The following CLVS1 variants were observed in gnomAD, a reference collection of about 807,000 sequenced individuals.
CLVS1 encodes the protein clavesin 1.
Under a neutral mutation model 33.1 loss-of-function variants are expected in CLVS1, and 10 were observed. The observed-to-expected ratio is 0.30, with a 90% confidence interval of 0.19 to 0.51. The LOEUF is 0.51. CLVS1 is among the 20% of genes least tolerant of loss of function. The pLI, the probability that CLVS1 is intolerant of heterozygous loss-of-function variation, is 0.97. For missense variants in CLVS1, 343 were observed against 433.4 expected (o/e 0.79, Z 1.85); for synonymous variants, 163 against 166.1 (o/e 0.98, Z 0.14).
At chr8:61,094,531 C>T (rs912098248) in intron 1 of CLVS1, among the ~76,000 whole-genome samples, 13 of 152,164 alleles carry the variant, frequency 8.5e-5, no homozygotes, top group Non-Finnish European at 1.8e-4. Flanking sequence ...CTGTTATGTA[C>T]TGAATTGTGT....
chr8:61,112,227 G>GC, intron 1 of CLVS1, among the ~76,000 whole-genome samples: 1 of 132,480 alleles, frequency 7.5e-6, no homozygotes, highest in African/African-American at 3.0e-5. Context: ...CACGCACAGA[G>GC]ACAGAGAGAG....
At chr8:61,456,891 T>C (rs7831255) in intron 4 of CLVS1, among the ~76,000 whole-genome samples, 23,960 of 148,764 alleles carry the variant, frequency 0.16, 5,521 homozygotes, top group African/African-American at 0.52. Flanking sequence ...GCACTCCAGC[T>C]TGGGCAACAG....
intron 2 of CLVS1, among the ~76,000 whole-genome samples, chr8:61,244,070 A>G (rs1279452623): frequency 6.6e-6 from 1 of 152,084 alleles, no homozygotes; most frequent in Non-Finnish European, 1.5e-5. Context: ...AAAATTTGTC[A>G]CCCAGGGCAA....
chr8:61,170,508 T>A (rs1806973125), intron 2 of CLVS1, among the ~76,000 whole-genome samples: 1 of 152,208 alleles, frequency 6.6e-6, no homozygotes, highest in Admixed American at 6.5e-5. Context: ...GACAAATCAC[T>A]GTGAAGAATT....
intron 5 of CLVS1, among the ~76,000 whole-genome samples, chr8:61,494,952 A>G (rs1804218271): frequency 6.6e-6 from 1 of 152,186 alleles, no homozygotes; most frequent in Non-Finnish European, 1.5e-5. Context: ...CAGGAAAATA[A>G]AAAGTTATGT....
intron 2 of CLVS1, among the ~76,000 whole-genome samples, chr8:61,343,718 C>G (rs1585830919): frequency 6.6e-6 from 1 of 152,132 alleles, no homozygotes; most frequent in East Asian, 1.9e-4. Context: ...GAAGTTCTCA[C>G]CACGTTCCTC....
intron 5 of CLVS1, among the ~76,000 whole-genome samples, chr8:61,475,880 G>A (rs182412353): frequency 6.6e-6 from 1 of 152,308 alleles, no homozygotes; most frequent in East Asian, 1.9e-4. Flanking sequence ...CCATGTGTAT[G>A]TCCTGAATAG....
At chr8:61,451,560 C>T (rs1334931080) in intron 3 of CLVS1, among the ~76,000 whole-genome samples, 1 of 152,136 alleles carries the variant, frequency 6.6e-6, no homozygotes, top group Non-Finnish European at 1.5e-5. Context: ...AAGTGTTACA[C>T]TGTCATTGAA....
chr8:61,276,221 G>C (rs540423438), intron 2 of CLVS1, among the ~76,000 whole-genome samples: 1 of 152,220 alleles, frequency 6.6e-6, no homozygotes, highest in East Asian at 1.9e-4. Context: ...TGTCATTCTT[G>C]GTCCAACCAG....
the CLVS1 span, among the ~76,000 whole-genome samples, chr8:61,008,041 G>A: frequency 1.6e-3 from 238 of 152,238 alleles, no homozygotes; most frequent in African/African-American, 5.6e-3. Context: ...CTTGAAGGAG[G>A]GAATATGTGC....
intron 2 of CLVS1, among the ~76,000 whole-genome samples, chr8:61,350,180 C>T (rs867705708): frequency 6.6e-6 from 1 of 152,034 alleles, no homozygotes; most frequent in Admixed American, 6.6e-5. Flanking sequence ...CTCAATTTAA[C>T]CATTACATAA....
At chr8:61,031,531 CT>C in the CLVS1 span, among the ~76,000 whole-genome samples, 1 of 152,202 alleles carries the variant, frequency 6.6e-6, no homozygotes, top group East Asian at 1.9e-4. Flanking sequence ...TTTACAATGC[CT>C]CCATTTTCCT....
intron 3 of CLVS1, among the ~76,000 whole-genome samples, chr8:61,399,507 A>G (rs1814667025): frequency 6.6e-6 from 1 of 152,136 alleles, no homozygotes; most frequent in African/African-American, 2.4e-5. Flanking sequence ...TACTCTGATG[A>G]TAATTTCTTT....
At chr8:61,480,630 G>A (rs747151507) in intron 5 of CLVS1, among the ~76,000 whole-genome samples, 1 of 152,104 alleles carries the variant, frequency 6.6e-6, no homozygotes, top group Non-Finnish European at 1.5e-5. Flanking sequence ...GATGAACCCG[G>A]TACCTCAGTT....
chr8:61,270,432 A>T (rs1809412775), intron 2 of CLVS1, among the ~76,000 whole-genome samples: 1 of 152,008 alleles, frequency 6.6e-6, no homozygotes, highest in African/African-American at 2.4e-5. Context: ...TTTATTGAGG[A>T]TTTTTGCATC....
At chr8:61,418,381 A>G (rs1426752389) in intron 3 of CLVS1, among the ~76,000 whole-genome samples, 2 of 152,204 alleles carry the variant, frequency 1.3e-5, no homozygotes, top group East Asian at 1.9e-4. Context: ...GAAATAATGC[A>G]TGCTTTTTTT....
At chr8:61,423,868 G>A (rs188063047) in intron 3 of CLVS1, among the ~76,000 whole-genome samples, 162 of 152,270 alleles carry the variant, frequency 1.1e-3, no homozygotes, top group African/African-American at 3.6e-3. Context: ...GGATGAAAAT[G>A]GTTAATATGC....
chr8:61,446,585 G>A (rs1238170171), intron 3 of CLVS1, among the ~76,000 whole-genome samples: 3 of 151,988 alleles, frequency 2.0e-5, no homozygotes, highest in Non-Finnish European at 4.4e-5. Context: ...CCTCTTCTTA[G>A]AAAGCCACCG....
At chr8:61,092,813 C>T (rs1362539782) in intron 1 of CLVS1, among the ~76,000 whole-genome samples, 1 of 152,220 alleles carries the variant, frequency 6.6e-6, no homozygotes, top group Non-Finnish European at 1.5e-5. Context: ...ATTCCCCTTT[C>T]CCATGTGTCA....
Sources: allele counts gnomAD v4.1 joint callset (sites outside exome capture counted in the v4.1 genomes callset), GRCh38; gene constraint gnomAD v4.1.1; transcripts MANE v1.5; gene names NCBI Gene and HGNC (gene_info 2026-07-23, HGNC 2026-07-21).